The following CDC16 variants were observed in gnomAD, a reference collection of about 807,000 sequenced individuals.
The protein encoded by CDC16 is cell division cycle 16, also known as cell division cycle protein 16 homolog.
A neutral mutation model predicts 87.0 loss-of-function variants in CDC16; 34 were observed. The ratio of observed to expected loss-of-function variants is 0.39; its 90% CI spans 0.30 to 0.52. The LOEUF (loss-of-function observed/expected upper bound fraction) is 0.52, where lower values mean the gene tolerates loss of function less well. Ranked by LOEUF, CDC16 falls within the 20% of genes least tolerant of loss-of-function variation. The pLI, the probability that CDC16 is intolerant of heterozygous loss-of-function variation, is 0.74. For synonymous variants in CDC16, 263 were observed against 260.6 expected (o/e 1.01, Z -0.09); for missense variants, 653 against 751.9 (o/e 0.87, Z 1.54).
chr13:114,244,614 A>G (rs2081745981), intron 8 of CDC16: 2 of 264,480 alleles, frequency 7.6e-6, no homozygotes, highest in African/African-American at 2.2e-5. Context: ...TAAGCGGCCT[A>G]CTTATTTTAT....
intron 3 of CDC16, among the ~76,000 whole-genome samples, chr13:114,238,721 C>T (rs2081386143): frequency 6.6e-6 from 1 of 152,194 alleles, no homozygotes; most frequent in African/African-American, 2.4e-5. Flanking sequence ...TTCTGTTGCC[C>T]CGTTTCGTCA....
chr13:114,247,088 C>CT, intron 11 of CDC16, 84 bp downstream of exon 11: 1 of 784,168 alleles, frequency 1.3e-6, no homozygotes, highest in Admixed American at 2.2e-5. Flanking sequence ...TTAGTGAGTA[C>CT]TTTAAAAGCA....
chr13:114,251,273 C>T (rs1218921520), intron 12 of CDC16, among the ~76,000 whole-genome samples: 2 of 152,150 alleles, frequency 1.3e-5, no homozygotes, highest in African/African-American at 2.4e-5. Context: ...GGAGTCATAC[C>T]TCCTGGACTC....
At chr13:114,270,486 A>G (rs546966901) in intron 17 of CDC16, among the ~76,000 whole-genome samples, 1 of 152,298 alleles carries the variant, frequency 6.6e-6, no homozygotes, top group Admixed American at 6.5e-5. Context: ...TCAATTAGTA[A>G]TGAACAAAAC....
chr13:114,242,160 G>A lies in CDC16; in HGVS notation c.421G>A (p.Asp141Asn). The change falls in exon 6 of 18, where the codon GAT becomes AAT. Residue 141 changes from aspartate to asparagine, a missense_variant. Asp to Asn is a conservative substitution (Grantham distance 23). Transcript: ENST00000356221. ...CTGTCTTCTACGCGGGAAAATCTAT[G>A]ATGCTCTAGATAACCGAACCCTGGC... ...SICLLRGKIY[D>N]ALDNRTLATY... 6.2e-7 allele frequency: 1 copy of A among 1,612,980 alleles called. No homozygotes were observed. Among genetic ancestry groups the A allele is most frequent in the Non-Finnish European group, 8.5e-7 (1 of 1,179,726 alleles).
chr13:114,243,307 CAGG>C lies in CDC16; in HGVS notation c.594_596del (p.Glu199del). 1 of 1,593,426 alleles carries C rather than the reference CAGG, an allele frequency of 6.3e-7. No individual in the cohort carries two copies. The highest frequency in any genetic ancestry group is 8.6e-7 in the Non-Finnish European group (1 of 1,161,746). ...CCTTAGCAAGCTGTGTAATGAAGAA[CAGG>C]AATTGCTGCGTTTTCTATTTGAGAA... On this transcript the variant is annotated inframe_deletion, in exon 7 of 18. Transcript: ENST00000356221.
chr13:114,265,364 A>G, intron 17 of CDC16, 124 bp downstream of exon 17: 1 of 659,616 alleles, frequency 1.5e-6, no homozygotes, highest in South Asian at 1.7e-5. Context: ...TTCGTGCTGC[A>G]TTAAAAACAA....
intron 13 of CDC16, 108 bp from the exon 14 acceptor site, chr13:114,259,227 G>A (rs2082694418): frequency 1.6e-6 from 1 of 620,190 alleles, no homozygotes; most frequent in Non-Finnish European, 2.8e-6. Context: ...ATTTCCAGCA[G>A]TTTACCCCAT....
intron 12 of CDC16, among the ~76,000 whole-genome samples, chr13:114,254,564 T>G (rs1032825594): frequency 2.0e-5 from 3 of 152,190 alleles, no homozygotes; most frequent in Non-Finnish European, 4.4e-5. Context: ...TTACACATTA[T>G]AAGTCCATCA....
intron 1 of CDC16, 83 bp from the exon 2 acceptor site, chr13:114,236,562 A>G (rs1162443010): frequency 9.0e-6 from 10 of 1,111,474 alleles, no homozygotes; most frequent in Non-Finnish European, 1.2e-5. Context: ...TATATTACAT[A>G]GAATTATAAT....
chr13:114,264,934 T>C, intron 16 of CDC16: 1 of 459,460 alleles, frequency 2.2e-6, no homozygotes, highest in Non-Finnish European at 4.0e-6. Flanking sequence ...AAAAATCTTT[T>C]TTGGGGTAGA....
intron 8 of CDC16, chr13:114,244,657 A>G (rs2081748799): frequency 2.9e-6 from 1 of 342,666 alleles, no homozygotes; most frequent in Admixed American, 4.8e-5. Context: ...AAGTAAATGT[A>G]TGTGATAATG....
At chr13:114,253,701 AAG>A (rs2082331440) in intron 12 of CDC16, among the ~76,000 whole-genome samples, 1 of 141,556 alleles carries the variant, frequency 7.1e-6, no homozygotes, top group Admixed American at 6.8e-5. Flanking sequence ...AAAAAAAAAA[AAG>A]AAAAAAATTA....
intron 5 of CDC16, among the ~76,000 whole-genome samples, chr13:114,241,437 A>T (rs2081544614): frequency 2.0e-5 from 3 of 152,310 alleles, no homozygotes; most frequent in Admixed American, 2.0e-4. Flanking sequence ...GTTTCTGCTC[A>T]TTAAGATCCT....
At chr13:114,237,197 T>C (rs2081296870) in intron 3 of CDC16, among the ~76,000 whole-genome samples, 2 of 151,524 alleles carry the variant, frequency 1.3e-5, no homozygotes, top group African/African-American at 4.9e-5. Flanking sequence ...CACTCCAGCC[T>C]GGACAACAGA....
intron 11 of CDC16, among the ~76,000 whole-genome samples, chr13:114,249,395 A>C (rs2082041533): frequency 6.6e-6 from 1 of 151,250 alleles, no homozygotes; most frequent in Non-Finnish European, 1.5e-5. Context: ...CCTGCCTGCC[A>C]CTCACCTCCT....
At chr13:114,257,263 A>G in intron 13 of CDC16, 33 bp downstream of exon 13, 1 of 1,529,682 alleles carries the variant, frequency 6.5e-7, no homozygotes, top group Admixed American at 1.8e-5. Context: ...CCCTTCTGTT[A>G]ACTAGTGATT....
intron 17 of CDC16, among the ~76,000 whole-genome samples, chr13:114,268,788 A>T (rs2083412048): frequency 6.6e-6 from 1 of 152,150 alleles, no homozygotes; most frequent in African/African-American, 2.4e-5. Flanking sequence ...ACTCCAGCCT[A>T]AGCAGCAGAG....
At chr13:114,237,944 A>G (rs115814475) in intron 3 of CDC16, among the ~76,000 whole-genome samples, 37 of 152,344 alleles carry the variant, frequency 2.4e-4, no homozygotes, top group African/African-American at 8.4e-4. Flanking sequence ...CTGCAGGATA[A>G]AGTCAGATGC....
Sources: allele counts gnomAD v4.1 joint callset (sites outside exome capture counted in the v4.1 genomes callset), GRCh38; gene constraint gnomAD v4.1.1; transcripts MANE v1.5; gene names NCBI Gene and HGNC (gene_info 2026-07-23, HGNC 2026-07-21).